The following PODXL variants were observed in gnomAD, a reference collection of about 807,000 sequenced individuals.
The protein encoded by PODXL is podocalyxin.
In PODXL, 20 loss-of-function variants were observed where a neutral mutation model predicts 48.9. That is an observed-to-expected ratio of 0.41 (90% CI 0.29 to 0.59). The LOEUF (loss-of-function observed/expected upper bound fraction) is 0.59, where lower values mean the gene tolerates loss of function less well. PODXL is among the 20% of genes least tolerant of loss of function. The probability of loss-of-function intolerance (pLI) is 0.31; values close to 1 mark genes in which losing one functional copy is unlikely to be tolerated. For missense variants in PODXL, 606 were observed against 675.1 expected (o/e 0.90, Z 1.13); for synonymous variants, 295 against 287.4 (o/e 1.03, Z -0.27).
Position 131,506,668 on chromosome 7 carries a change from GTGGCT to G in PODXL, c.1155_1159del (p.Lys385AsnfsTer8). The G allele has an allele frequency of 6.2e-7, 1 of 1,614,194 alleles. No individual in the cohort carries two copies. Among genetic ancestry groups the G allele is most frequent in the Non-Finnish European group, 8.5e-7 (1 of 1,180,018 alleles). On this transcript the variant is annotated frameshift_variant, in exon 6 of 9. Transcript: ENST00000378555. LOFTEE classifies it high-confidence loss of function. The stretch of plus-strand genomic sequence containing the variant: ...GCACTTATCTTGGGCCGGGTTGAAG[GTGGCT>G]TTGACTGCTCGGCATATCAGTGAGA...
intron 1 of PODXL, among the ~76,000 whole-genome samples, chr7:131,552,931 C>A (rs966747889): frequency 6.6e-6 from 1 of 152,142 alleles, no homozygotes; most frequent in South Asian, 2.1e-4. Context: ...GGACTACAGG[C>A]GTGTGCCACT....
In PODXL at chr7:131,553,581, CTGT is replaced by C. The variant is rs1798698925; in HGVS notation, c.100+2676_100+2678del. 2.6e-5 allele frequency among the ~76,000 whole-genome samples: 4 copies of C among 152,222 alleles called. No homozygotes were observed. In the South Asian group the frequency reaches 8.3e-4, roughly 31 times the overall value. Reference sequence around the variant, plus strand: ...CTTCATAGCAACCCACAAGGTAGGGCTGTTATTACTTTATAGATGAAGAAACTG... The same window carrying C: ...CTTCATAGCAACCCACAAGGTAGGGCTATTACTTTATAGATGAAGAAACTG... On this transcript the variant is annotated intron_variant, in intron 1 of 8. Transcript: ENST00000378555.
At chr7:131,512,432 G>C (rs574989074) in intron 1 of PODXL, among the ~76,000 whole-genome samples, 28 of 152,282 alleles carry the variant, frequency 1.8e-4, no homozygotes, top group African/African-American at 6.5e-4. Flanking sequence ...GCATCTCTGC[G>C]ATGATGGTTA....
chr7:131,509,333 TCTC>T (rs1797869206), intron 4 of PODXL, 29 bp downstream of exon 4: 1 of 1,528,830 alleles, frequency 6.5e-7, no homozygotes, highest in African/African-American at 1.4e-5. Context: ...GAGTCTGGGT[TCTC>T]CTACTTGCCC....
At chr7:131,530,987 G>A (rs1382610354) in intron 1 of PODXL, among the ~76,000 whole-genome samples, 2 of 152,082 alleles carry the variant, frequency 1.3e-5, no homozygotes, top group Non-Finnish European at 2.9e-5. Context: ...GAACCCGGGA[G>A]GCGGAGATTG....
Position 131,556,264 on chromosome 7 carries a change from C to G in PODXL, c.96G>C (p.Gln32His). ...GAACCCAGGCCGGCCACTCACCATTCTGGGAGGGCGACGGCGACGGCGACG... is the reference window on the plus strand; with the variant it reads ...GAACCCAGGCCGGCCACTCACCATTGTGGGAGGGCGACGGCGACGGCGACG... ...SSPSPSPSPS[Q>H]NATQTTTDSS... is the part of the protein sequence containing the mutation. The change falls in exon 1 of 9, where the codon CAG becomes CAC. Residue 32 changes from glutamine to histidine, a missense_variant. Coordinates refer to ENST00000378555, the MANE Select transcript of PODXL (RefSeq NM_001018111.3). 7.0e-7 allele frequency: 1 copy of G among 1,437,628 alleles called. No individual in the cohort carries two copies. Among genetic ancestry groups the G allele is most frequent in the Non-Finnish European group, 9.1e-7 (1 of 1,102,748 alleles). 89.1% of individuals were successfully genotyped at this position (1,437,628 alleles called of 1,614,324 possible). A position where few individuals can be genotyped will look rare whatever the true frequency, so the allele number is the denominator to read the frequency against.
At chr7:131,532,136 A>G (rs1182129806) in intron 1 of PODXL, among the ~76,000 whole-genome samples, 1 of 145,104 alleles carries the variant, frequency 6.9e-6, no homozygotes, top group Non-Finnish European at 1.5e-5. Flanking sequence ...CATCATCATC[A>G]TCATCATCAT....
Position 131,551,892 on chromosome 7 carries a change from A to G in PODXL, c.100+4368T>C, listed in dbSNP as rs371475741. Among the ~76,000 whole-genome samples, 657 of 149,636 alleles carry G rather than the reference A, an allele frequency of 4.4e-3. 2 individuals are homozygous for G. The highest frequency in any genetic ancestry group is 0.015 in the African/African-American group (620 of 40,324). ...GTGGAGCTTGTAGTGAGCTGAGATC[A>G]CGCCACTGCAGTCCAGCCTGGGTGA... is the stretch of plus-strand genomic sequence containing the variant. On this transcript the variant is annotated intron_variant, in intron 1 of 8. Transcript: ENST00000378555.
rs781774963 is a variant in PODXL at position 131,509,430 on chromosome 7, C to T, written c.958G>A (p.Ala320Thr). The change falls in exon 4 of 9, where the codon GCA becomes ACA. Residue 320 changes from alanine (A) to threonine (T), a missense_variant. Transcript: ENST00000378555. Reference sequence around the variant, plus strand: ...GGGTATCGGTGGGTAGTTGATGCTGCTGTGGGGCTGGAGCTCATGGTCTCT... The same window carrying T: ...GGGTATCGGTGGGTAGTTGATGCTGTTGTGGGGCTGGAGCTCATGGTCTCT... The part of the protein sequence containing the change: ...LPETMSSSPT[A>T]ASTTHRYPKT... The T allele has an allele frequency of 3.1e-6, 5 of 1,614,016 alleles. No homozygotes were observed. The East Asian group carries it at 8.9e-5, about 29-fold the overall frequency.
rs58163575 is a variant in PODXL, at chr7:131,524,379, C to CAGAGAGAGAG, written c.101-12956_101-12947dup. 5.4e-3 allele frequency among the ~76,000 whole-genome samples: 563 copies of CAGAGAGAGAG among 104,088 alleles called. 7 individuals carry two copies. The highest frequency in any genetic ancestry group is 0.012 in the African/African-American group (419 of 35,882). 68.3% of individuals were successfully genotyped at this position (104,088 alleles called of 152,430 possible). A position where few individuals can be genotyped will look rare whatever the true frequency, so the allele number is the denominator to read the frequency against. On this transcript the variant is annotated intron_variant, in intron 1 of 8. Coordinates refer to ENST00000378555, the MANE Select transcript of PODXL (RefSeq NM_001018111.3). Reference sequence around the variant, plus strand: ...ACACACACGCACACACACACACACACAGAGAGAGAGAGAGAGAGAGAGAGA... The same window carrying CAGAGAGAGAG: ...ACACACACGCACACACACACACACACAGAGAGAGAGAGAGAGAGAGAGAGAGAGAGAGAGA...
intron 1 of PODXL, among the ~76,000 whole-genome samples, chr7:131,518,639 C>G (rs1048670365): frequency 6.6e-5 from 10 of 152,194 alleles, no homozygotes; most frequent in African/African-American, 2.4e-4. Flanking sequence ...CAGGCTAAGT[C>G]TGATAAAATT....
chr7:131,537,100 C>T (rs1035922701), intron 1 of PODXL, among the ~76,000 whole-genome samples: 12 of 151,154 alleles, frequency 7.9e-5, no homozygotes, highest in African/African-American at 1.9e-4. Context: ...CACTCCATCC[C>T]GGATGACAGA....
chr7:131,539,912 A>C (rs1362535529), intron 1 of PODXL, among the ~76,000 whole-genome samples: 1 of 152,184 alleles, frequency 6.6e-6, no homozygotes, highest in Admixed American at 6.5e-5. Context: ...GTTTATCCTC[A>C]TGACTGTAAA....
chr7:131,529,224 G>A (rs1314052679), intron 1 of PODXL, among the ~76,000 whole-genome samples: 1 of 152,112 alleles, frequency 6.6e-6, no homozygotes, highest in African/African-American at 2.4e-5. Flanking sequence ...GGGCTGAAGA[G>A]GTCAGTACAT....
chr7:131,533,844 ATAACC>A (rs1416728130), intron 1 of PODXL, among the ~76,000 whole-genome samples: 1 of 152,222 alleles, frequency 6.6e-6, no homozygotes, highest in Admixed American at 6.5e-5. Flanking sequence ...CACAAGCTGT[ATAACC>A]AGGCAAGAGT....
intron 1 of PODXL, among the ~76,000 whole-genome samples, chr7:131,542,876 G>T (rs1798506179): frequency 6.6e-6 from 1 of 152,102 alleles, no homozygotes; most frequent in Non-Finnish European, 1.5e-5. Context: ...AGAGATCCTG[G>T]TCCGAGGAGC....
intron 1 of PODXL, among the ~76,000 whole-genome samples, chr7:131,535,725 C>G (rs1584825847): frequency 6.6e-6 from 1 of 152,244 alleles, no homozygotes; most frequent in Admixed American, 6.5e-5. Flanking sequence ...CATATGCTGA[C>G]CACTGATGTC....
intron 1 of PODXL, among the ~76,000 whole-genome samples, chr7:131,542,645 A>G (rs1798501475): frequency 6.6e-6 from 1 of 152,196 alleles, no homozygotes; most frequent in Admixed American, 6.5e-5. Flanking sequence ...TGACAGAGGG[A>G]GACCCTGTCT....
intron 1 of PODXL, among the ~76,000 whole-genome samples, chr7:131,524,592 C>G (rs1409067080): frequency 6.6e-6 from 1 of 152,108 alleles, no homozygotes; most frequent in Admixed American, 6.5e-5. Context: ...ATTGGAATAG[C>G]TAAAATCAAA....
Sources: gnomAD v4.1 joint callset for allele counts (sites outside exome capture counted in the v4.1 genomes callset) on GRCh38, gnomAD v4.1.1 for gene constraint, MANE v1.5 for transcripts, NCBI Gene and HGNC (gene_info 2026-07-23, HGNC 2026-07-21) for gene names.